The following NRG3 variants were observed in gnomAD, a reference collection of about 807,000 sequenced individuals.
NRG3 encodes pro-neuregulin-3, membrane-bound isoform.
NRG3 carries 31 observed loss-of-function variants against 66.9 expected under a neutral mutation model. The observed-to-expected ratio is 0.46, with a 90% CI of 0.35 to 0.63. The LOEUF (loss-of-function observed/expected upper bound fraction) is 0.63, where lower values mean the gene tolerates loss of function less well. NRG3 is among the 20% of genes least tolerant of loss of function. The probability of loss-of-function intolerance (pLI) is 0.00; values close to 1 mark genes in which losing one functional copy is unlikely to be tolerated. For synonymous variants in NRG3, 393 were observed against 359.4 expected (o/e 1.09, Z -1.06); for missense variants, 910 against 878.9 (o/e 1.04, Z -0.45).
chr10:82,809,804 GT>G (rs966733440), intron 3 of NRG3, among the ~76,000 whole-genome samples: 4 of 151,834 alleles, frequency 2.6e-5, no homozygotes, highest in African/African-American at 9.7e-5. Context: ...AGTTTTCCAG[GT>G]TTTTTTCAGT....
At chr10:82,749,677 AT>A (rs201144870) in intron 3 of NRG3, among the ~76,000 whole-genome samples, 204 of 151,304 alleles carry the variant, frequency 1.3e-3, no homozygotes, top group Non-Finnish European at 2.1e-3. Flanking sequence ...CATATTCATA[AT>A]TTTTTTTCAT....
chr10:81,920,779 C>G (rs192150926), intron 1 of NRG3, among the ~76,000 whole-genome samples: 5 of 152,146 alleles, frequency 3.3e-5, no homozygotes, highest in Non-Finnish European at 5.9e-5. Context: ...ATCTTATTCA[C>G]TTAATGTTTT....
rs569996109 is a variant in NRG3 at position 82,985,741 on chromosome 10, T to C, written c.*136T>C. ...CAAATAGTCTATCGCCCTCATATCATAGTGTTTTTTAACAAAATATTTTTT... is the reference window on the plus strand; with the variant it reads ...CAAATAGTCTATCGCCCTCATATCACAGTGTTTTTTAACAAAATATTTTTT... On this transcript the variant is annotated 3_prime_UTR_variant, in exon 9 of 9. Transcript: ENST00000372141. 53 of 919,018 alleles carry C rather than the reference T, an allele frequency of 5.8e-5. No individual in the cohort carries two copies. The South Asian group carries it at 7.3e-4, about 13-fold the overall frequency. 56.9% of individuals were successfully genotyped at this position (919,018 alleles called of 1,614,324 possible).
chr10:82,056,280 A>T (rs2063843778), intron 1 of NRG3, among the ~76,000 whole-genome samples: 2 of 152,128 alleles, frequency 1.3e-5, no homozygotes, highest in African/African-American at 4.8e-5. Flanking sequence ...GGTGGGTGTG[A>T]TGACTTTAAA....
intron 1 of NRG3, among the ~76,000 whole-genome samples, chr10:82,014,677 TTGAA>T (rs1220026662): frequency 1.3e-5 from 2 of 152,120 alleles, no homozygotes; most frequent in East Asian, 1.9e-4. Context: ...GCACAAGTGT[TTGAA>T]TGGGCTGATC....
At chr10:82,781,986 T>C (rs1409147524) in intron 3 of NRG3, among the ~76,000 whole-genome samples, 1 of 152,200 alleles carries the variant, frequency 6.6e-6, no homozygotes, top group East Asian at 1.9e-4. Context: ...AGTGTATCTT[T>C]TTGTGCTCCC....
chr10:82,095,753 C>T (rs886317703), intron 1 of NRG3, among the ~76,000 whole-genome samples: 61 of 152,288 alleles, frequency 4.0e-4, no homozygotes, highest in African/African-American at 1.4e-3. Flanking sequence ...CTCACTCTTC[C>T]CTCTCTGGGA....
At chr10:82,797,700 G>GT (rs1424299483) in intron 3 of NRG3, among the ~76,000 whole-genome samples, 1 of 152,040 alleles carries the variant, frequency 6.6e-6, no homozygotes, top group African/African-American at 2.4e-5. Context: ...ATAAATAACT[G>GT]TTTTTTGCCT....
At chr10:82,466,562 G>C (rs756267963) in intron 2 of NRG3, among the ~76,000 whole-genome samples, 2 of 152,146 alleles carry the variant, frequency 1.3e-5, no homozygotes, top group Non-Finnish European at 2.9e-5. Flanking sequence ...AGGCAGTTCA[G>C]GCCAGGAAGC....
intron 2 of NRG3, among the ~76,000 whole-genome samples, chr10:82,633,319 G>C (rs562964652): frequency 7.9e-5 from 12 of 152,222 alleles, no homozygotes; most frequent in South Asian, 6.2e-4. Flanking sequence ...ATCATATCTG[G>C]ATTGGGTCCA....
intron 4 of NRG3, among the ~76,000 whole-genome samples, chr10:82,950,448 GC>G (rs1849414351): frequency 6.6e-6 from 1 of 152,128 alleles, no homozygotes; most frequent in Admixed American, 6.6e-5. Flanking sequence ...GACTACTTAA[GC>G]TCTGTGATTG....
At chr10:82,544,138 C>A (rs1047801335) in intron 2 of NRG3, among the ~76,000 whole-genome samples, 1 of 152,154 alleles carries the variant, frequency 6.6e-6, no homozygotes, top group Non-Finnish European at 1.5e-5. Context: ...TTAAAGAATA[C>A]ATGAGATGAT....
chr10:82,449,791 G>C (rs1218457453), intron 2 of NRG3, among the ~76,000 whole-genome samples: 1 of 152,130 alleles, frequency 6.6e-6, no homozygotes, highest in South Asian at 2.1e-4. Context: ...AATCATATAC[G>C]TTTTTTTGAG....
At chr10:81,938,718 C>A (rs1468550880) in intron 1 of NRG3, among the ~76,000 whole-genome samples, 1 of 151,682 alleles carries the variant, frequency 6.6e-6, no homozygotes, top group East Asian at 1.9e-4. Flanking sequence ...GATCATTTCA[C>A]TTCTTCCTTT....
chr10:82,350,161 G>A (rs185963804), intron 1 of NRG3, among the ~76,000 whole-genome samples: 2 of 152,208 alleles, frequency 1.3e-5, no homozygotes, highest in Non-Finnish European at 2.9e-5. Context: ...CCTCAGGTAT[G>A]TTCACAAAAG....
intron 2 of NRG3, among the ~76,000 whole-genome samples, chr10:82,523,669 TG>T (rs1270063721): frequency 3.9e-5 from 6 of 152,102 alleles, no homozygotes; most frequent in African/African-American, 7.2e-5. Context: ...TCCCATTCTG[TG>T]GGTAGCATTC....
intron 1 of NRG3, among the ~76,000 whole-genome samples, chr10:81,908,746 G>C (rs966738437): frequency 1.3e-5 from 2 of 152,194 alleles, no homozygotes; most frequent in Non-Finnish European, 2.9e-5. Flanking sequence ...CAGAAGTGGG[G>C]GTCAGACAGC....
intron 1 of NRG3, among the ~76,000 whole-genome samples, chr10:82,265,517 C>T (rs902745914): frequency 6.6e-6 from 1 of 152,100 alleles, no homozygotes; most frequent in Non-Finnish European, 1.5e-5. Context: ...TTGAAAGTTA[C>T]AAGGTAGTAA....
intron 2 of NRG3, among the ~76,000 whole-genome samples, chr10:82,554,146 T>A (rs1438001885): frequency 1.3e-5 from 2 of 152,164 alleles, no homozygotes; most frequent in African/African-American, 2.4e-5. Context: ...AAAATTAAGA[T>A]GCAGATGAGC....
Sources: gnomAD v4.1 joint callset for allele counts (sites outside exome capture counted in the v4.1 genomes callset) on GRCh38, gnomAD v4.1.1 for gene constraint, MANE v1.5 for transcripts, NCBI Gene and HGNC (gene_info 2026-07-23, HGNC 2026-07-21) for gene names.